USP47: variants seen among roughly 807,000 people sequenced by gnomAD.
The protein encoded by USP47 is ubiquitin specific peptidase 47.
In USP47, 35 loss-of-function variants were observed where a neutral mutation model predicts 165.1. The ratio of observed to expected loss-of-function variants is 0.21; its 90% confidence interval spans 0.16 to 0.28. USP47 has a LOEUF of 0.28. Among genes scored for constraint, USP47 ranks in the 10% least tolerant of loss-of-function variants. The probability of loss-of-function intolerance (pLI) is 1.00; values close to 1 mark genes in which losing one functional copy is unlikely to be tolerated. For missense variants in USP47, 1,277 were observed against 1,607.4 expected (o/e 0.79, Z 3.52); for synonymous variants, 531 against 544.5 (o/e 0.98, Z 0.35).
chr11:11,842,263 G>T, intron 1 of USP47, 39 bp downstream of exon 1: 1 of 1,547,374 alleles, frequency 6.5e-7, no homozygotes, highest in Non-Finnish European at 8.7e-7. Context: ...TAGGCCTGCG[G>T]CCGCTCGAGG....
At chr11:11,951,858 T>A (rs1856248174) in intron 24 of USP47, 1 of 152,166 alleles carries the variant, frequency 6.6e-6, no homozygotes, top group Non-Finnish European at 1.5e-5. Context: ...TCGTAGGGAA[T>A]AATCACTGTG....
In USP47 at chr11:11,905,553, G is replaced by A; in HGVS notation, c.969+5G>A. The A allele has an allele frequency of 6.3e-7, 1 of 1,597,674 alleles. No individual in the cohort carries two copies. Among genetic ancestry groups the A allele is most frequent in the Non-Finnish European group, 8.6e-7 (1 of 1,169,288 alleles). ...AGCCAAGCATTTGCTAGTGTGGTGTGTACCTTTCACCTGACTGCTTGTGTA... is the reference window on the plus strand; with the variant it reads ...AGCCAAGCATTTGCTAGTGTGGTGTATACCTTTCACCTGACTGCTTGTGTA... On this transcript the variant is annotated splice_donor_5th_base_variant and intron_variant, in intron 8 of 27. Transcript: ENST00000527733.
chr11:11,910,454 C>G (rs373915006), intron 8 of USP47, among the ~76,000 whole-genome samples: 61 of 152,160 alleles, frequency 4.0e-4, no homozygotes, highest in African/African-American at 1.3e-3. Flanking sequence ...AACCAAACAC[C>G]ACAGAAAGAA....
chr11:11,938,209 A>C (rs761537938), intron 17 of USP47, 48 bp from the exon 18 acceptor site: 20 of 1,536,570 alleles, frequency 1.3e-5, no homozygotes, highest in Non-Finnish European at 1.7e-5. Context: ...TGTGAAATAC[A>C]TTAAAAAATA....
At chr11:11,848,086 T>C (rs914159750) in intron 1 of USP47, among the ~76,000 whole-genome samples, 3 of 152,262 alleles carry the variant, frequency 2.0e-5, no homozygotes, top group Non-Finnish European at 4.4e-5. Context: ...AAGTCCTTGA[T>C]AATATGGATT....
At chr11:11,862,498 A>G (rs1177270091) in intron 1 of USP47, among the ~76,000 whole-genome samples, 1 of 152,130 alleles carries the variant, frequency 6.6e-6, no homozygotes, top group African/African-American at 2.4e-5. Flanking sequence ...GTCTCCTCAC[A>G]TCCTTTGACA....
intron 3 of USP47, 106 bp downstream of exon 3, chr11:11,884,686 A>G: frequency 1.4e-6 from 1 of 726,404 alleles, no homozygotes; most frequent in Non-Finnish European, 2.2e-6. Flanking sequence ...TAATTTGTGT[A>G]ATAAATTAAT....
intron 15 of USP47, among the ~76,000 whole-genome samples, chr11:11,933,576 A>G (rs141257311): frequency 2.4e-4 from 36 of 152,206 alleles, no homozygotes; most frequent in African/African-American, 8.7e-4. Flanking sequence ...GTATATTGGT[A>G]GGGGAATGAT....
At chr11:11,948,934 T>C (rs1464863575) in intron 22 of USP47, 1 of 190,398 alleles carries the variant, frequency 5.3e-6, no homozygotes, top group East Asian at 1.3e-4. Flanking sequence ...GTGCGTGTGC[T>C]TGCTTTCTGG....
intron 22 of USP47, chr11:11,949,082 A>G (rs1856046764): frequency 6.6e-6 from 1 of 152,624 alleles, no homozygotes; most frequent in Non-Finnish European, 1.5e-5. Flanking sequence ...CTAAGATACA[A>G]GCACTATTTC....
chr11:11,961,145 T>A lies in USP47; in HGVS notation c.*4970T>A, dbSNP rs531046337. Among the ~76,000 whole-genome samples, 1 of 152,356 alleles carries A rather than the reference T, an allele frequency of 6.6e-6. No homozygotes were observed. Among genetic ancestry groups the A allele is most frequent in the Admixed American group, 6.5e-5 (1 of 15,296 alleles). On this transcript the variant is annotated 3_prime_UTR_variant, in exon 28 of 28. Coordinates refer to ENST00000527733, the MANE Select transcript of USP47 (RefSeq NM_001282659.2). ...TCCTCAATGTCAAGGACTCAAAGAC[T>A]CTTTCTGTGGTAGGGCCACATCCTA...
chr11:11,845,059 A>G (rs1165809266), intron 1 of USP47, among the ~76,000 whole-genome samples: 1 of 152,210 alleles, frequency 6.6e-6, no homozygotes, highest in Non-Finnish European at 1.5e-5. Context: ...GTGACACATG[A>G]AAATAATGTG....
chr11:11,950,103 C>A, intron 23 of USP47, 99 bp downstream of exon 23: 2 of 905,116 alleles, frequency 2.2e-6, no homozygotes, highest in Non-Finnish European at 3.3e-6. Context: ...ATTAAAATTT[C>A]CTGTGCTATT....
chr11:11,930,225 C>T, intron 13 of USP47, 105 bp downstream of exon 13: 1 of 1,038,960 alleles, frequency 9.6e-7, no homozygotes, highest in East Asian at 2.6e-5. Context: ...GGAACTACAA[C>T]CCATGAGCCA....
intron 8 of USP47, among the ~76,000 whole-genome samples, chr11:11,913,772 A>G (rs1033790973): frequency 6.6e-6 from 1 of 152,142 alleles, no homozygotes; most frequent in Non-Finnish European, 1.5e-5. Flanking sequence ...AAGATTTTAA[A>G]TGTTCCCAAT....
Position 11,851,346 on chromosome 11 carries a change from TA to T in USP47, c.39+9123del, listed in dbSNP as rs561861265. On this transcript the variant is annotated intron_variant, in intron 1 of 27. Coordinates refer to ENST00000527733, the MANE Select transcript of USP47 (RefSeq NM_001282659.2). The stretch of plus-strand genomic sequence containing the variant: ...TCTTTTATCAGAAAGGGTTGAAGAG[TA>T]GAAGAGGAGGTCTGGGGATTTTCAC... 1.5e-3 allele frequency among the ~76,000 whole-genome samples: 229 copies of T among 152,272 alleles called. 1 individual carries two copies. Among genetic ancestry groups the T allele is most frequent in the African/African-American group, 5.2e-3 (217 of 41,556 alleles).
intron 1 of USP47, among the ~76,000 whole-genome samples, chr11:11,851,104 T>C (rs7936742): frequency 0.78 from 119,107 of 152,174 alleles, 47,335 homozygotes; most frequent in African/African-American, 0.93. Context: ...CATCTTTTCT[T>C]TTGTGCTGGA....
In USP47 at chr11:11,904,142, C is replaced by CT. The variant is rs201894563; in HGVS notation, c.819+801dup. On this transcript the variant is annotated intron_variant, in intron 7 of 27. Transcript: ENST00000527733. ...TAAGAGTAAGTATTATTTTATAAAG[C>CT]TCTTGTTACAGTTATATGCACTGGG... is the stretch of plus-strand genomic sequence containing the variant. Among the ~76,000 whole-genome samples, 672 of 152,162 alleles carry CT rather than the reference C, an allele frequency of 4.4e-3. 6 individuals carry two copies. Among genetic ancestry groups the CT allele is most frequent in the Middle Eastern group, 0.017 (5 of 294 alleles).
intron 20 of USP47, among the ~76,000 whole-genome samples, chr11:11,945,099 A>G (rs1039082876): frequency 2.0e-5 from 3 of 152,198 alleles, no homozygotes; most frequent in African/African-American, 7.2e-5. Context: ...CAACTTATGT[A>G]TTTGGGCTTT....
Sources: gnomAD v4.1 joint callset for allele counts (sites outside exome capture counted in the v4.1 genomes callset) on GRCh38, gnomAD v4.1.1 for gene constraint, MANE v1.5 for transcripts, NCBI Gene and HGNC (gene_info 2026-07-23, HGNC 2026-07-21) for gene names.